Variants in CSMD1 observed in about 807,000 individuals in gnomAD.
CSMD1 encodes the protein CUB and Sushi multiple domains 1.
A neutral mutation model predicts 417.5 loss-of-function variants in CSMD1; 213 were observed. The observed-to-expected ratio is 0.51, with a 90% CI of 0.46 to 0.57. The LOEUF (loss-of-function observed/expected upper bound fraction) is 0.57, where lower values mean the gene tolerates loss of function less well. Among genes scored for constraint, CSMD1 ranks in the 20% least tolerant of loss-of-function variants. CSMD1 has a pLI of 0.00. For missense variants in CSMD1, 6,923 were observed against 4,529.7 expected, an observed-to-expected ratio of 1.53 and a Z score of -15.17; for synonymous variants, 2,862 against 1,736.8, an observed-to-expected ratio of 1.65 and a Z score of -16.11.
At position 4,956,559 on chromosome 8, in the gene CSMD1, T is replaced by C. The variant is rs962874928; in HGVS notation, c.85+37773A>G. Among the ~76,000 whole-genome samples, 12 of 149,660 alleles carry C rather than the reference T, an allele frequency of 8.0e-5. No homozygotes were observed. In the East Asian group the frequency reaches 9.7e-4, roughly 12 times the overall value. ...TAAAATATATGTGTATATCATAACA[T>C]ATAATATATTTAAAATACATGTGTA... On this transcript the variant is annotated intron_variant, in intron 1 of 69. Coordinates refer to ENST00000635120, the MANE Select transcript of CSMD1 (RefSeq NM_033225.6).
intron 10 of CSMD1, among the ~76,000 whole-genome samples, chr8:3,521,605 GC>G (rs1476419077): frequency 6.6e-6 from 1 of 152,140 alleles, no homozygotes; most frequent in African/African-American, 2.4e-5. Context: ...TTGGTGTTTA[GC>G]TAAATCCCTT....
chr8:4,857,933 A>T (rs1186910977), intron 1 of CSMD1, among the ~76,000 whole-genome samples: 1 of 152,042 alleles, frequency 6.6e-6, no homozygotes, highest in Non-Finnish European at 1.5e-5. Flanking sequence ...CATCATTCTG[A>T]TACCAAAGCC....
chr8:3,394,053 TA>T (rs1811539075), intron 17 of CSMD1, among the ~76,000 whole-genome samples: 1 of 120,480 alleles, frequency 8.3e-6, no homozygotes, highest in Non-Finnish European at 1.7e-5. Context: ...TATATATATA[TA>T]TAGAAAAAAA....
chr8:3,682,706 G>T (rs1180681965), intron 7 of CSMD1, among the ~76,000 whole-genome samples: 1 of 152,170 alleles, frequency 6.6e-6, no homozygotes, highest in African/African-American at 2.4e-5. Flanking sequence ...ATACCCAAAA[G>T]ATTAAAAATC....
chr8:3,754,002 T>C lies in CSMD1; in HGVS notation c.859A>G (p.Lys287Glu). 3 of 1,613,340 alleles carry C rather than the reference T, an allele frequency of 1.9e-6. No homozygotes were observed. Among genetic ancestry groups the C allele is most frequent in the Non-Finnish European group, 2.5e-6 (3 of 1,179,482 alleles). ...MNLPSPVISS[K>E]NWLRLHFTSD... ...GTGAAATGGAGTCGTAGCCAATTCT[T>C]GCTACTGATAACTGGAGAGGGGAGG... Residue 287 changes from lysine (K) to glutamate (E), a missense_variant, in exon 6 of 70, where the codon AAG (lysine) becomes GAG (glutamate). Physicochemically the swap from Lys to Glu is moderately conservative, Grantham distance 56. Coordinates refer to ENST00000635120, the MANE Select transcript of CSMD1 (RefSeq NM_033225.6).
At chr8:4,221,303 A>C (rs1385942306) in intron 3 of CSMD1, among the ~76,000 whole-genome samples, 3 of 152,036 alleles carry the variant, frequency 2.0e-5, no homozygotes, top group African/African-American at 4.8e-5. Flanking sequence ...TATTGAATAC[A>C]CTCATGGACT....
At chr8:3,586,050 T>C (rs1014408036) in intron 9 of CSMD1, 86 bp downstream of exon 9, 1 of 1,375,084 alleles carries the variant, frequency 7.3e-7, no homozygotes, top group Non-Finnish European at 9.9e-7. Flanking sequence ...CCATACACAA[T>C]GCTTCATGCT....
At chr8:4,273,721 G>C (rs188382813) in intron 3 of CSMD1, among the ~76,000 whole-genome samples, 2 of 152,142 alleles carry the variant, frequency 1.3e-5, no homozygotes, top group Admixed American at 6.6e-5. Context: ...AGGATTTGTA[G>C]CTAGACCATC....
At chr8:4,897,757 T>G (rs899401318) in intron 1 of CSMD1, among the ~76,000 whole-genome samples, 3 of 152,122 alleles carry the variant, frequency 2.0e-5, no homozygotes, top group Non-Finnish European at 4.4e-5. Context: ...TGTTACTGCA[T>G]TATGTTATTT....
intron 37 of CSMD1, among the ~76,000 whole-genome samples, chr8:3,167,114 G>A (rs1010477306): frequency 6.6e-6 from 1 of 151,954 alleles, no homozygotes; most frequent in Admixed American, 6.6e-5. Context: ...GTGAAACCCC[G>A]TCTCTACTAA....
chr8:3,829,729 G>C (rs1451233828), intron 5 of CSMD1, among the ~76,000 whole-genome samples: 1 of 152,160 alleles, frequency 6.6e-6, no homozygotes, highest in African/African-American at 2.4e-5. Context: ...TCCTGTAGCA[G>C]TTCTCAAAAT....
chr8:4,046,383 G>C (rs17068727), intron 3 of CSMD1, among the ~76,000 whole-genome samples: 76 of 152,062 alleles, frequency 5.0e-4, no homozygotes, highest in African/African-American at 1.5e-3. Flanking sequence ...CTTGGCATTA[G>C]TATATTACAA....
intron 12 of CSMD1, among the ~76,000 whole-genome samples, chr8:3,428,047 C>G (rs116222143): frequency 6.6e-6 from 1 of 152,144 alleles, no homozygotes; most frequent in Non-Finnish European, 1.5e-5. Context: ...TGCTTCGTTG[C>G]GTCTACCATT....
chr8:4,020,051 G>C (rs943082208), intron 4 of CSMD1, among the ~76,000 whole-genome samples: 1 of 152,104 alleles, frequency 6.6e-6, no homozygotes, highest in Non-Finnish European at 1.5e-5. Context: ...GCTTAAGAGT[G>C]GAAGGGAGAG....
intron 5 of CSMD1, among the ~76,000 whole-genome samples, chr8:3,954,177 C>T (rs1024103064): frequency 1.3e-5 from 2 of 152,144 alleles, no homozygotes; most frequent in Non-Finnish European, 2.9e-5. Flanking sequence ...CCCTTGCATC[C>T]TCAGAAGAAG....
intron 1 of CSMD1, among the ~76,000 whole-genome samples, chr8:4,976,035 G>T (rs764715421): frequency 1.3e-5 from 2 of 152,162 alleles, no homozygotes; most frequent in African/African-American, 4.8e-5. Context: ...TTGTTTACTT[G>T]CAGGTAATAA....
At chr8:4,774,092 G>T (rs747318233) in intron 1 of CSMD1, among the ~76,000 whole-genome samples, 1 of 152,176 alleles carries the variant, frequency 6.6e-6, no homozygotes, top group Non-Finnish European at 1.5e-5. Flanking sequence ...AGCTACTCAG[G>T]AGGCTGAGGC....
chr8:4,968,983 A>G (rs1430760114), intron 1 of CSMD1, among the ~76,000 whole-genome samples: 3 of 152,286 alleles, frequency 2.0e-5, no homozygotes, highest in East Asian at 1.9e-4. Context: ...GCTTTTGCAC[A>G]TAGGTTTTTA....
chr8:3,532,893 T>C (rs1392105132), intron 10 of CSMD1, among the ~76,000 whole-genome samples: 1 of 152,210 alleles, frequency 6.6e-6, no homozygotes. Flanking sequence ...TTTTAATCAA[T>C]AGTAAATCAT....
Sources: gnomAD v4.1 joint callset for allele counts (sites outside exome capture counted in the v4.1 genomes callset) on GRCh38, gnomAD v4.1.1 for gene constraint, MANE v1.5 for transcripts, NCBI Gene and HGNC (gene_info 2026-07-23, HGNC 2026-07-21) for gene names.